The following ZNF85 variants were observed in gnomAD, a reference collection of about 807,000 sequenced individuals.
ZNF85 encodes the protein zinc finger protein 85, also known as zinc finger protein 85 (HPF4, HTF1).
In ZNF85, 50 loss-of-function variants were observed where a neutral mutation model predicts 53.9. The observed-to-expected ratio is 0.93, with a 90% CI of 0.74 to 1.17. ZNF85 has a LOEUF of 1.17. ZNF85 is among the 50% of genes most tolerant of loss of function. The pLI is 0.00. For missense variants in ZNF85, 747 were observed against 688.5 expected, an observed-to-expected ratio of 1.08 and a Z score of -0.95; for synonymous variants, 225 against 226.1, an observed-to-expected ratio of 1.00 and a Z score of 0.04.
At chr19:20,946,472 A>T in intron 3 of ZNF85, 1 of 292,558 alleles carries the variant, frequency 3.4e-6, no homozygotes, top group Non-Finnish European at 6.6e-6. Context: ...AGGTATTGAA[A>T]TATCCTACTA....
chr19:20,949,177 G>A lies in ZNF85; in HGVS notation c.663G>A (p.Lys221=), dbSNP rs1555795090. 5 of 1,613,456 alleles carry A rather than the reference G, an allele frequency of 3.1e-6. No homozygotes were observed. The highest frequency in any genetic ancestry group is 4.2e-6 in the Non-Finnish European group (5 of 1,179,754). The change falls in exon 4 of 4, where the codon AAG becomes AAA. Residue 221 remains lysine, a synonymous_variant. Coordinates refer to ENST00000328178, the MANE Select transcript of ZNF85 (RefSeq NM_003429.5). The stretch of plus-strand genomic sequence containing the variant: ...GGTCCTCAACCCTTACTAAACATAA[G>A]AGAATTCATACGGGAGAGAAACCTT... ...FNWSSTLTKH[K]RIHTGEKPYK... is the part of the protein sequence containing the mutation.
intron 1 of ZNF85, among the ~76,000 whole-genome samples, chr19:20,929,634 A>G (rs1015358496): frequency 6.6e-6 from 1 of 152,200 alleles, no homozygotes; most frequent in Non-Finnish European, 1.5e-5. Flanking sequence ...AGATTACACA[A>G]ACTCTGGGAT....
chr19:20,932,974 G>T (rs969987077), intron 1 of ZNF85, among the ~76,000 whole-genome samples: 1 of 151,354 alleles, frequency 6.6e-6, no homozygotes, highest in Non-Finnish European at 1.5e-5. Flanking sequence ...AGATCACAAG[G>T]TCAGGAGATC....
chr19:20,941,191 G>C (rs111484455), intron 3 of ZNF85, among the ~76,000 whole-genome samples: 1,810 of 152,178 alleles, frequency 0.012, 34 homozygotes, highest in African/African-American at 0.034. Flanking sequence ...CCATTCTGAT[G>C]GGTGTGAAGT....
chr19:20,945,893 G>A (rs540233584), intron 3 of ZNF85, among the ~76,000 whole-genome samples: 3 of 152,070 alleles, frequency 2.0e-5, no homozygotes, highest in Non-Finnish European at 2.9e-5. Flanking sequence ...AATAATTATG[G>A]GTAAGTAAAT....
chr19:20,923,534 T>G, intron 1 of ZNF85, 131 bp downstream of exon 1: 1 of 1,469,480 alleles, frequency 6.8e-7, no homozygotes, highest in Admixed American at 1.9e-5. Flanking sequence ...TTTGCCCAGC[T>G]CGGCCCCAGT....
intron 3 of ZNF85, chr19:20,946,372 T>C (rs1277172492): frequency 4.8e-6 from 2 of 414,970 alleles, no homozygotes; most frequent in African/African-American, 2.1e-5. Flanking sequence ...AGGAGTGTTC[T>C]CTATGCCTCT....
intron 3 of ZNF85, chr19:20,942,858 C>T: frequency 1.4e-6 from 1 of 698,182 alleles, no homozygotes; most frequent in Non-Finnish European, 2.6e-6. Context: ...CCACTGCAGC[C>T]TCAACCTTCT....
At chr19:20,935,260 G>A (rs111422882) in intron 3 of ZNF85, among the ~76,000 whole-genome samples, 1,828 of 152,160 alleles carry the variant, frequency 0.012, 34 homozygotes, top group African/African-American at 0.035. Flanking sequence ...CTTTTCCTTC[G>A]GTGATCTTCA....
rs1199614425 is a variant in ZNF85, at chr19:20,948,840, A to T, written c.326A>T (p.His109Leu). 1 of 1,613,204 alleles carries T rather than the reference A, an allele frequency of 6.2e-7. No homozygotes were observed. The highest frequency in any genetic ancestry group is 1.7e-5 in the Admixed American group (1 of 59,976). ...CTGAAAAGATATGGAAAATGTAGACATGAAAATTTACCATTAAGAAAAGGC... is the reference window on the plus strand; with the variant it reads ...CTGAAAAGATATGGAAAATGTAGACTTGAAAATTTACCATTAAGAAAAGGC... ...VTLKRYGKCR[H>L]ENLPLRKGCE... Residue 109 changes from histidine (H) to leucine (L), a missense_variant, in exon 4 of 4, where the codon CAT becomes CTT. His to Leu is a moderately conservative substitution (Grantham distance 99). Transcript: ENST00000328178.
At chr19:20,947,028 C>T (rs1426173601) in intron 3 of ZNF85, among the ~76,000 whole-genome samples, 1 of 151,266 alleles carries the variant, frequency 6.6e-6, no homozygotes, top group Non-Finnish European at 1.5e-5. Context: ...CTCTCTCTTT[C>T]TTTGTGTCAT....
rs1204424662 is a variant in ZNF85 at position 20,942,708 on chromosome 19, A to G, written c.230-6036A>G. ...TTTTCCAGTTTTGCTTTTAATTCCTAGTTGCATTCAGTTTTGGTCAGAAAA... is the reference window on the plus strand; with the variant it reads ...TTTTCCAGTTTTGCTTTTAATTCCTGGTTGCATTCAGTTTTGGTCAGAAAA... On this transcript the variant is annotated intron_variant, in intron 3 of 3. Transcript: ENST00000328178. 5.0e-6 allele frequency: 3 copies of G among 601,102 alleles called. No homozygotes were observed. In the African/African-American group the frequency reaches 5.7e-5, roughly 11 times the overall value. 37.2% of individuals were successfully genotyped at this position (601,102 alleles called of 1,614,324 possible).
chr19:20,931,844 G>A (rs111564724), intron 1 of ZNF85, among the ~76,000 whole-genome samples: 22 of 151,982 alleles, frequency 1.4e-4, no homozygotes, highest in Admixed American at 3.9e-4. Flanking sequence ...TCTGACCTCA[G>A]GATCTGCCTG....
chr19:20,939,166 T>C (rs1973234596), intron 3 of ZNF85, among the ~76,000 whole-genome samples: 1 of 152,198 alleles, frequency 6.6e-6, no homozygotes, highest in Non-Finnish European at 1.5e-5. Flanking sequence ...CATTCTTTCT[T>C]AATGGTACAT....
intron 3 of ZNF85, chr19:20,937,194 G>A (rs1052641551): frequency 3.2e-5 from 12 of 379,722 alleles, no homozygotes; most frequent in Non-Finnish European, 6.3e-5. Flanking sequence ...ACAACGTCTG[G>A]CCAATTTTTT....
At chr19:20,925,898 G>T (rs1460854265) in intron 1 of ZNF85, among the ~76,000 whole-genome samples, 1 of 152,126 alleles carries the variant, frequency 6.6e-6, no homozygotes, top group African/African-American at 2.4e-5. Context: ...AGTTTAAAAG[G>T]CACAAAAATA....
At chr19:20,923,847 C>T (rs959026686) in intron 1 of ZNF85, among the ~76,000 whole-genome samples, 1 of 151,944 alleles carries the variant, frequency 6.6e-6, no homozygotes, top group Non-Finnish European at 1.5e-5. Context: ...TTTGGGAAGC[C>T]GAGGCGGGCG....
chr19:20,943,013 T>C (rs1021976906), intron 3 of ZNF85: 1 of 505,888 alleles, frequency 2.0e-6, no homozygotes, highest in Admixed American at 3.9e-5. Flanking sequence ...TGGCTCCAAA[T>C]GATCCTCCTA....
intron 1 of ZNF85, 84 bp downstream of exon 1, chr19:20,923,487 C>T: frequency 6.2e-7 from 1 of 1,603,354 alleles, no homozygotes; most frequent in Non-Finnish European, 8.5e-7. Context: ...ACTCAGGCCT[C>T]CCTGTAGTCA....
Sources: gnomAD v4.1 joint callset for allele counts (sites outside exome capture counted in the v4.1 genomes callset) on GRCh38, gnomAD v4.1.1 for gene constraint, MANE v1.5 for transcripts, NCBI Gene and HGNC (gene_info 2026-07-23, HGNC 2026-07-21) for gene names.